Variants in ACCSL observed in about 807,000 individuals in gnomAD.
ACCSL encodes the protein probable inactive 1-aminocyclopropane-1-carboxylate synthase-like protein 2.
A neutral mutation model predicts 61.7 loss-of-function variants in ACCSL; 55 were observed. The ratio of observed to expected loss-of-function variants is 0.89; its 90% confidence interval spans 0.72 to 1.12. The LOEUF is 1.12. Among genes scored for constraint, ACCSL ranks in the 50% most tolerant of loss-of-function variants. ACCSL has a pLI of 0.00. For synonymous variants in ACCSL, 258 were observed against 264.3 expected (o/e 0.98, Z 0.23); for missense variants, 632 against 698.0 (o/e 0.91, Z 1.07).
chr11:44,051,396 C>T lies in ACCSL; in HGVS notation c.697C>T (p.Pro233Ser), dbSNP rs760056470. The T allele has an allele frequency of 7.4e-6, 12 of 1,614,006 alleles. No individual in the cohort carries two copies. Among genetic ancestry groups the T allele is most frequent in the Non-Finnish European group, 9.3e-6 (11 of 1,180,040 alleles). Residue 233 changes from proline to serine, a missense_variant, in exon 4 of 14, where the codon CCA (proline) becomes TCA (serine). Physicochemically the swap from Pro to Ser is moderately conservative, Grantham distance 74. Coordinates refer to ENST00000378832, the MANE Select transcript of ACCSL (RefSeq NM_001031854.2). ...YYCRAPTRLD[P>S]ENVVVLNGCC... ...CTGCAGGGCACCTACCCGACTTGAC[C>T]CAGAAAATGTGAGTCAGTTTCCCAG...
the ACCSL span, among the ~76,000 whole-genome samples, chr11:43,969,258 AGC>A: frequency 3.9e-5 from 6 of 152,220 alleles, no homozygotes; most frequent in African/African-American, 9.6e-5. Context: ...CTACTCGGGA[AGC>A]TGAGGCAAGA....
At chr11:43,964,404 T>TCCAG in the ACCSL span, among the ~76,000 whole-genome samples, 1 of 146,824 alleles carries the variant, frequency 6.8e-6, no homozygotes, top group Non-Finnish European at 1.5e-5. Context: ...GCCACTGTGC[T>TCCAG]CCAGCCTGGG....
At chr11:43,994,119 C>T in the ACCSL span, among the ~76,000 whole-genome samples, 130,620 of 152,290 alleles carry the variant, frequency 0.86, 56,155 homozygotes, top group African/African-American at 0.91. Context: ...TTTTTAAACA[C>T]CCAAGCCTAG....
chr11:43,947,549 G>A, the ACCSL span, among the ~76,000 whole-genome samples: 8 of 152,260 alleles, frequency 5.3e-5, no homozygotes, highest in African/African-American at 1.9e-4. Context: ...GAGCAAGAGA[G>A]AGCAAGAGTC....
the ACCSL span, among the ~76,000 whole-genome samples, chr11:43,969,088 C>T: frequency 6.6e-6 from 1 of 152,144 alleles, no homozygotes; most frequent in East Asian, 1.9e-4. Context: ...GTGGCTCACA[C>T]CTGTAATCTC....
the ACCSL span, among the ~76,000 whole-genome samples, chr11:43,925,667 C>T: frequency 1.4e-4 from 22 of 152,156 alleles, 1 homozygote; most frequent in Non-Finnish European, 1.5e-5. Context: ...ACCCTAGCCT[C>T]CACATCTGCC....
At position 44,052,642 on chromosome 11, in the gene ACCSL, C is replaced by G. The variant is rs189288309; in HGVS notation, c.773-20C>G. Reference sequence around the variant, plus strand: ...ATTGGGAGACTTTGGACTGATAGCTCTGTCTCTCTGTGTTTCCAGAGGCCT... The same window carrying G: ...ATTGGGAGACTTTGGACTGATAGCTGTGTCTCTCTGTGTTTCCAGAGGCCT... On this transcript the variant is annotated intron_variant, in intron 5 of 13. Transcript: ENST00000378832. 1,702 of 1,604,968 alleles carry G rather than the reference C, an allele frequency of 1.1e-3. No individual in the cohort carries two copies. Among genetic ancestry groups the G allele is most frequent in the South Asian group, 1.6e-3 (148 of 90,900 alleles).
chr11:44,046,477 A>G (rs546581758), upstream of ACCSL, among the ~76,000 whole-genome samples: 6 of 152,320 alleles, frequency 3.9e-5, no homozygotes, highest in Admixed American at 3.3e-4. Flanking sequence ...CTAAGAATGT[A>G]ATACTGAAGG....
At chr11:43,928,912 C>G in the ACCSL span, among the ~76,000 whole-genome samples, 3 of 152,236 alleles carry the variant, frequency 2.0e-5, no homozygotes, top group Admixed American at 2.0e-4. Flanking sequence ...GCCACTGCCC[C>G]CATGCTGGCT....
the ACCSL span, among the ~76,000 whole-genome samples, chr11:43,961,955 A>G: frequency 4.6e-5 from 7 of 152,178 alleles, no homozygotes; most frequent in African/African-American, 1.4e-4. Context: ...TTGAGCCCCT[A>G]TGCTCAGGGC....
At chr11:43,981,087 T>C in the ACCSL span, among the ~76,000 whole-genome samples, 1 of 139,170 alleles carries the variant, frequency 7.2e-6, no homozygotes, top group African/African-American at 2.7e-5. Flanking sequence ...GGAAACAAGA[T>C]GGGGCAGGAA....
chr11:44,007,158 C>A, the ACCSL span, among the ~76,000 whole-genome samples: 1 of 152,360 alleles, frequency 6.6e-6, no homozygotes, highest in African/African-American at 2.4e-5. Flanking sequence ...CAGGGAGCTG[C>A]AGGGCAGACT....
the ACCSL span, among the ~76,000 whole-genome samples, chr11:43,922,674 C>T: frequency 6.6e-6 from 1 of 152,174 alleles, no homozygotes; most frequent in African/African-American, 2.4e-5. Context: ...GTTTCCTGAC[C>T]ATATCCACCT....
chr11:43,984,886 G>A, the ACCSL span, among the ~76,000 whole-genome samples: 2 of 152,240 alleles, frequency 1.3e-5, no homozygotes, highest in Admixed American at 1.3e-4. Context: ...GCTGGGAAAT[G>A]GCCAGGGGCT....
At chr11:43,943,118 T>G in the ACCSL span, 15 of 1,494,030 alleles carry the variant, frequency 1.0e-5, 1 homozygote, top group Non-Finnish European at 1.3e-5. The surrounding 1 kb of genome is among the most constrained non-coding windows in gnomAD (Gnocchi z 4.8). Context: ...GGAGGGGGTG[T>G]CCCCCATGGA....
the ACCSL span, among the ~76,000 whole-genome samples, chr11:44,014,714 C>A: frequency 6.6e-6 from 1 of 152,096 alleles, no homozygotes; most frequent in Non-Finnish European, 1.5e-5. Context: ...CCTGGCAGGG[C>A]CTTACTCTGA....
At chr11:43,968,116 T>G in the ACCSL span, among the ~76,000 whole-genome samples, 1 of 152,304 alleles carries the variant, frequency 6.6e-6, no homozygotes, top group African/African-American at 2.4e-5. Flanking sequence ...TGGCATCTAG[T>G]AAGTAGAACC....
the ACCSL span, among the ~76,000 whole-genome samples, chr11:43,972,590 A>G: frequency 1.3e-5 from 2 of 152,168 alleles, no homozygotes; most frequent in African/African-American, 4.8e-5. Context: ...GAAGACACTC[A>G]TACCTCCCGG....
the ACCSL span, chr11:43,973,859 A>G: frequency 6.6e-6 from 1 of 152,164 alleles, no homozygotes; most frequent in Non-Finnish European, 1.5e-5. Flanking sequence ...CAACTCTAGG[A>G]CTTTTCATCT....
Sources: allele counts gnomAD v4.1 joint callset (sites outside exome capture counted in the v4.1 genomes callset), GRCh38; gene constraint gnomAD v4.1.1; non-coding constraint Gnocchi (gnomAD v3.1); transcripts MANE v1.5; gene names NCBI Gene and HGNC (gene_info 2026-07-23, HGNC 2026-07-21).